The following EPB41L4A variants were observed in gnomAD, a reference collection of about 807,000 sequenced individuals.
EPB41L4A encodes erythrocyte membrane protein band 4.1 like 4A.
A neutral mutation model predicts 108.6 loss-of-function variants in EPB41L4A; 100 were observed. The ratio of observed to expected loss-of-function variants is 0.92; its 90% CI spans 0.78 to 1.09. The LOEUF (loss-of-function observed/expected upper bound fraction) is 1.09. Ranked by LOEUF, EPB41L4A falls within the 50% of genes least tolerant of loss-of-function variation. The pLI, the probability that EPB41L4A is intolerant of heterozygous loss-of-function variation, is 0.00. For missense variants in EPB41L4A, 1,030 were observed against 842.7 expected, an observed-to-expected ratio of 1.22 and a Z score of -2.75; for synonymous variants, 319 against 289.0, an observed-to-expected ratio of 1.10 and a Z score of -1.05.
At chr5:112,295,559 C>T (rs939061564) in intron 2 of EPB41L4A, among the ~76,000 whole-genome samples, 1 of 152,190 alleles carries the variant, frequency 6.6e-6, no homozygotes, top group African/African-American at 2.4e-5. Context: ...CACCTTTCAG[C>T]CCTGTCAAGC....
exon 14 of EPB41L4A, chr5:112,143,813 GTGGGGCT>G (rs1759151516): frequency 2.2e-6 from 1 of 450,962 alleles, no homozygotes; most frequent in Non-Finnish European, 4.5e-6. Flanking sequence ...AGCCAAGGAG[GTGGGGCT>G]CTCTGTCCAC....
chr5:112,259,924 T>A lies in EPB41L4A; in HGVS notation c.698A>T (p.Tyr233Phe), dbSNP rs537384572. ...CTTCCCCACTTGCTTTTTATTCTTG[T>A]ACACAACAACACCAACCGGAGTTAA... is the stretch of plus-strand genomic sequence containing the variant. ...LGLTPVGVVV[Y>F]KNKKQVGKYF... Residue 233 changes from tyrosine (Y) to phenylalanine (F), a missense_variant, in exon 8 of 23, where the codon TAC (tyrosine) becomes TTC (phenylalanine). Tyr to Phe is a conservative substitution (Grantham distance 22, BLOSUM62 3). Coordinates refer to ENST00000261486, the MANE Select transcript of EPB41L4A (RefSeq NM_022140.5). The A allele has an allele frequency of 1.5e-5, 25 of 1,614,016 alleles. 1 individual carries two copies. In the South Asian group the frequency reaches 2.6e-4, roughly 17 times the overall value.
chr5:112,327,303 G>A (rs374168506), intron 1 of EPB41L4A, among the ~76,000 whole-genome samples: 14 of 152,262 alleles, frequency 9.2e-5, no homozygotes, highest in East Asian at 5.8e-4. Context: ...GAAGCTCCTC[G>A]TGTTTAAATT....
At position 112,378,479 on chromosome 5, in the gene EPB41L4A, C is replaced by T. The variant is rs182499736; in HGVS notation, c.99+40462G>A. Among the ~76,000 whole-genome samples, 11 of 152,264 alleles carry T rather than the reference C, an allele frequency of 7.2e-5. No homozygotes were observed. In the East Asian group the frequency reaches 2.1e-3, roughly 29 times the overall value. ...GATCAGGATATAAATTATATCTTAACAATACAGATTAACAGCCATAAGAAA... is the reference window on the plus strand; with the variant it reads ...GATCAGGATATAAATTATATCTTAATAATACAGATTAACAGCCATAAGAAA... On this transcript the variant is annotated intron_variant, in intron 1 of 22. Transcript: ENST00000261486.
intron 1 of EPB41L4A, among the ~76,000 whole-genome samples, chr5:112,340,610 C>A (rs145392855): frequency 0.018 from 2,772 of 152,284 alleles, 41 homozygotes; most frequent in Non-Finnish European, 0.027. Flanking sequence ...GATCCCTGCT[C>A]TGTAGAACAT....
intron 18 of EPB41L4A, among the ~76,000 whole-genome samples, chr5:112,174,664 C>G (rs984741769): frequency 6.6e-6 from 1 of 152,096 alleles, no homozygotes; most frequent in Non-Finnish European, 1.5e-5. Flanking sequence ...ATCCCCCAAA[C>G]TATTCAACTA....
chr5:112,165,162 G>T, intron 22 of EPB41L4A, 44 bp from the exon 23 acceptor site: 2 of 1,457,956 alleles, frequency 1.4e-6, no homozygotes, highest in Non-Finnish European at 1.9e-6. Flanking sequence ...GAAGAAAACA[G>T]CCAAATGAAG....
chr5:112,334,110 G>A (rs1478638553), intron 1 of EPB41L4A, among the ~76,000 whole-genome samples: 1 of 152,048 alleles, frequency 6.6e-6, no homozygotes, highest in South Asian at 2.1e-4. Context: ...CAGGCACACA[G>A]CCAACCATTA....
intron 20 of EPB41L4A, among the ~76,000 whole-genome samples, chr5:112,169,570 TGATA>T (rs1760454958): frequency 6.6e-6 from 1 of 152,016 alleles, no homozygotes; most frequent in South Asian, 2.1e-4. Context: ...GTATGTGAGG[TGATA>T]GATACATTAG....
At chr5:112,317,548 C>A (rs754435023) in intron 1 of EPB41L4A, among the ~76,000 whole-genome samples, 6 of 152,166 alleles carry the variant, frequency 3.9e-5, no homozygotes, top group Non-Finnish European at 8.8e-5. Flanking sequence ...TTCAATGGTG[C>A]ATGAAGTCAG....
intron 12 of EPB41L4A, among the ~76,000 whole-genome samples, chr5:112,157,322 T>C (rs1166418944): frequency 6.6e-6 from 1 of 152,198 alleles, no homozygotes; most frequent in Non-Finnish European, 1.5e-5. Flanking sequence ...CAAGTTTGTC[T>C]GCAAAATCTC....
At chr5:112,381,734 G>A (rs1043203964) in intron 1 of EPB41L4A, among the ~76,000 whole-genome samples, 1 of 152,234 alleles carries the variant, frequency 6.6e-6, no homozygotes, top group East Asian at 1.9e-4. Flanking sequence ...CGTCATCATG[G>A]CCACTGGGCT....
chr5:112,186,472 A>T (rs1761432805), intron 17 of EPB41L4A, among the ~76,000 whole-genome samples: 1 of 152,246 alleles, frequency 6.6e-6, no homozygotes, highest in African/African-American at 2.4e-5. Flanking sequence ...ATCAGAAAGA[A>T]TTCAAGATTA....
At chr5:112,360,766 C>G (rs441563) in intron 1 of EPB41L4A, among the ~76,000 whole-genome samples, 1 of 151,460 alleles carries the variant, frequency 6.6e-6, no homozygotes, top group Non-Finnish European at 1.5e-5. Context: ...TCTTCCCGGT[C>G]GTCATCCCGT....
intron 12 of EPB41L4A, chr5:112,228,732 G>C: frequency 1.0e-6 from 1 of 985,424 alleles, no homozygotes; most frequent in South Asian, 4.7e-5. Context: ...ACTTGTCAGA[G>C]AGAGGGTTGT....
At chr5:112,188,569 C>T (rs1037990619) in intron 17 of EPB41L4A, among the ~76,000 whole-genome samples, 3 of 152,146 alleles carry the variant, frequency 2.0e-5, no homozygotes, top group Non-Finnish European at 2.9e-5. Context: ...ACTCTGGAAG[C>T]CCTAAATCAA....
intron 1 of EPB41L4A, among the ~76,000 whole-genome samples, chr5:112,318,701 T>A (rs1046536533): frequency 6.6e-6 from 1 of 152,176 alleles, no homozygotes; most frequent in Non-Finnish European, 1.5e-5. Context: ...AAATGTTGGG[T>A]AGTTTGTTAC....
intron 1 of EPB41L4A, among the ~76,000 whole-genome samples, chr5:112,322,551 T>A (rs1755862747): frequency 6.6e-6 from 1 of 152,190 alleles, no homozygotes; most frequent in Admixed American, 6.5e-5. Flanking sequence ...CTGGGGTTGA[T>A]GCTTGGAAGA....
chr5:112,417,279 C>T (rs897392935), intron 1 of EPB41L4A, among the ~76,000 whole-genome samples: 4 of 152,184 alleles, frequency 2.6e-5, no homozygotes, highest in African/African-American at 9.7e-5. Context: ...GCTCTCTTGA[C>T]AGAATAATGT....
Sources: gnomAD v4.1 joint callset for allele counts (sites outside exome capture counted in the v4.1 genomes callset) on GRCh38, gnomAD v4.1.1 for gene constraint, MANE v1.5 for transcripts, NCBI Gene and HGNC (gene_info 2026-07-23, HGNC 2026-07-21) for gene names.